The following ANKRD26 variants were observed in gnomAD, a reference collection of about 807,000 sequenced individuals.
The protein encoded by ANKRD26 is ankyrin repeat domain 26.
ANKRD26 carries 141 observed loss-of-function variants against 208.7 expected under a neutral mutation model. The ratio of observed to expected loss-of-function variants is 0.68; its 90% CI spans 0.59 to 0.78. ANKRD26 has a LOEUF of 0.78. ANKRD26 is among the 30% of genes least tolerant of loss of function. ANKRD26 has a pLI of 0.00. For synonymous variants in ANKRD26, 636 were observed against 660.4 expected, an observed-to-expected ratio of 0.96 and a Z score of 0.57; for missense variants, 1,889 against 1,938.7, an observed-to-expected ratio of 0.97 and a Z score of 0.48.
the ANKRD26 span, among the ~76,000 whole-genome samples, chr10:26,954,068 C>T: frequency 1.9e-4 from 29 of 152,274 alleles, no homozygotes; most frequent in African/African-American, 6.3e-4. Context: ...GGTTTTCTGG[C>T]GTGAATGTTA....
At chr10:26,985,249 C>T (rs2052367124) in intron 3 of ANKRD26, among the ~76,000 whole-genome samples, 1 of 152,062 alleles carries the variant, frequency 6.6e-6, no homozygotes, top group East Asian at 1.9e-4. Flanking sequence ...GGAGAGAGAA[C>T]ACATGGAGAG....
At chr10:26,972,010 C>G (rs561564196), downstream of ANKRD26, among the ~76,000 whole-genome samples, 1 of 152,044 alleles carries the variant, frequency 6.6e-6, no homozygotes, top group Admixed American at 6.6e-5. Flanking sequence ...CCAAGGTGGG[C>G]GGATCACAAA....
chr10:27,053,193 TA>T, intron 16 of ANKRD26, 126 bp downstream of exon 16: 1 of 676,008 alleles, frequency 1.5e-6, no homozygotes, highest in Non-Finnish European at 2.5e-6. Flanking sequence ...TTTTTAATAC[TA>T]AATATTAAAT....
At chr10:27,031,227 A>G (rs1379513333) in intron 25 of ANKRD26, among the ~76,000 whole-genome samples, 3 of 152,358 alleles carry the variant, frequency 2.0e-5, no homozygotes, top group East Asian at 1.9e-4. Context: ...GAATAAAAAC[A>G]TATGTCTTAT....
At chr10:26,957,586 G>T in the ANKRD26 span, among the ~76,000 whole-genome samples, 1 of 152,030 alleles carries the variant, frequency 6.6e-6, no homozygotes, top group Non-Finnish European at 1.5e-5. Flanking sequence ...CAAGTTCAGG[G>T]TATGGTATCT....
chr10:27,049,452 T>C (rs2054573336), intron 16 of ANKRD26, among the ~76,000 whole-genome samples: 1 of 152,186 alleles, frequency 6.6e-6, no homozygotes, highest in Non-Finnish European at 1.5e-5. Context: ...TTTTCCCCAG[T>C]GTCTTTTATA....
At chr10:26,979,381 G>T (rs922419187) in intron 5 of ANKRD26, among the ~76,000 whole-genome samples, 1 of 152,160 alleles carries the variant, frequency 6.6e-6, no homozygotes, top group African/African-American at 2.4e-5. Flanking sequence ...ACAAAGAGAA[G>T]GCTGGTCCAC....
Position 27,044,191 on chromosome 10 carries a change from CT to C in ANKRD26, c.1986-2del. On this transcript the variant is annotated splice_acceptor_variant, in intron 18 of 33. Transcript: ENST00000376087. LOFTEE classifies it high-confidence loss of function. ...TTCATTAGATGTTTTCTTAGTAGGC[CT>C]AAAAAAAAAAAATACCTTTCAGGCA... 7.1e-7 allele frequency: 1 copy of C among 1,409,642 alleles called. No homozygotes were observed. The highest frequency in any genetic ancestry group is 1.2e-5 in the South Asian group (1 of 80,468). 87.3% of individuals were successfully genotyped at this position (1,409,642 alleles called of 1,614,324 possible). A position where few individuals can be genotyped will look rare whatever the true frequency, so the allele number is the denominator to read the frequency against.
downstream of ANKRD26, among the ~76,000 whole-genome samples, chr10:26,988,924 C>T (rs1038366787): frequency 4.0e-5 from 6 of 150,836 alleles, no homozygotes; most frequent in Non-Finnish European, 5.9e-5. Context: ...TTTTTATCTT[C>T]TCCTGTTTGT....
In ANKRD26 at chr10:27,086,617, T is replaced by C. The variant is rs765675278; in HGVS notation, c.639-8A>G. ...GAAATTAGTTGGTGACTGCTATGTA[T>C]AGAAAAATGTAACAAAATTATGTTA... On this transcript the variant is annotated splice_region_variant and splice_polypyrimidine_tract_variant and intron_variant, in intron 4 of 33. Transcript: ENST00000376087. The C allele has an allele frequency of 5.6e-6, 9 of 1,598,404 alleles. No individual in the cohort carries two copies. The highest frequency in any genetic ancestry group is 6.0e-6 in the Non-Finnish European group (7 of 1,171,706).
At chr10:26,950,416 A>G in the ANKRD26 span, among the ~76,000 whole-genome samples, 4 of 147,032 alleles carry the variant, frequency 2.7e-5, no homozygotes, top group East Asian at 2.0e-4. Context: ...TAGTTTCTTT[A>G]TAGCAGTGTG....
At chr10:27,014,735 T>C in intron 30 of ANKRD26, 24 bp from the exon 31 acceptor site, 1 of 1,590,150 alleles carries the variant, frequency 6.3e-7, no homozygotes, top group African/African-American at 1.3e-5. Context: ...AAAGCATATG[T>C]TTTAAAAATA....
chr10:27,084,231 A>G (rs1240330774), intron 5 of ANKRD26, among the ~76,000 whole-genome samples: 5 of 147,024 alleles, frequency 3.4e-5, no homozygotes, highest in Non-Finnish European at 3.0e-5. Flanking sequence ...AAAAAAAAAA[A>G]AAAAGAAAAA....
At chr10:27,005,781 G>C (rs755885394) in intron 33 of ANKRD26, 58 bp from the exon 34 acceptor site, 1 of 1,557,616 alleles carries the variant, frequency 6.4e-7, no homozygotes, top group Non-Finnish European at 8.7e-7. Flanking sequence ...AGTTAACTAA[G>C]TGGAAGTCAG....
Position 27,053,320 on chromosome 10 carries a change from C to A in ANKRD26, c.1635G>T (p.Gln545His). ...AGAAATTTTTAAAAATATATAATAC[C>A]TGTGGCTGGTTATTTTCACTCCCTT... ...EREGSENNQP[Q>H]VEEERKKHRN... Residue 545 changes from glutamine (Q) to histidine (H), a missense_variant and splice_region_variant, in exon 16 of 34, where the codon CAG becomes CAT. Coordinates refer to ENST00000376087, the MANE Select transcript of ANKRD26 (RefSeq NM_014915.3). The A allele has an allele frequency of 6.3e-7, 1 of 1,599,702 alleles. No homozygotes were observed. The highest frequency in any genetic ancestry group is 8.6e-7 in the Non-Finnish European group (1 of 1,169,536).
At chr10:27,015,127 T>C (rs1184927592) in intron 30 of ANKRD26, among the ~76,000 whole-genome samples, 1 of 152,252 alleles carries the variant, frequency 6.6e-6, no homozygotes, top group East Asian at 1.9e-4. Context: ...AAATTATTTT[T>C]GTGTTAAAAT....
chr10:27,067,284 T>G lies in ANKRD26; in HGVS notation c.1080A>C (p.Glu360Asp). The G allele has an allele frequency of 3.1e-6, 5 of 1,612,840 alleles. No individual in the cohort carries two copies. The highest frequency in any genetic ancestry group is 4.2e-6 in the Non-Finnish European group (5 of 1,179,796). ...KSLANPGLMK[E>D]EPTKPGIAKK... ...TTGCAATGCCTGGCTTTGTTGGTTC[T>G]TCCTATTAAAAACAAAAACAAACAA... Residue 360 changes from glutamate (E) to aspartate (D), a missense_variant and splice_region_variant, in exon 10 of 34, where the codon GAA (glutamate) becomes GAC (aspartate). Around this residue, in one of 3 missense-constraint regions of ANKRD26, gnomAD observed 1,272 missense variants for 1,273.8 expected, o/e 1.00. Transcript: ENST00000376087.
downstream of ANKRD26, among the ~76,000 whole-genome samples, chr10:26,989,497 T>C (rs1053802471): frequency 2.6e-5 from 4 of 150,960 alleles, no homozygotes; most frequent in Non-Finnish European, 4.4e-5. Context: ...ATTGACAGGG[T>C]TCCCAGGACA....
At chr10:27,051,744 G>C (rs754486509) in intron 16 of ANKRD26, 2 of 985,364 alleles carry the variant, frequency 2.0e-6, no homozygotes, top group Non-Finnish European at 2.4e-6. Flanking sequence ...TACAGAGACA[G>C]GAGAATCTTT....
Sources: allele counts gnomAD v4.1 joint callset (sites outside exome capture counted in the v4.1 genomes callset), GRCh38; gene constraint gnomAD v4.1.1; regional missense constraint gnomAD v4.1.1; transcripts MANE v1.5; gene names NCBI Gene and HGNC (gene_info 2026-07-23, HGNC 2026-07-21).